CLSTN2: variants seen among roughly 807,000 people sequenced by gnomAD.
CLSTN2 encodes calsyntenin-2.
A neutral mutation model predicts 101.2 loss-of-function variants in CLSTN2; 48 were observed. That is an observed-to-expected ratio of 0.47 (90% CI 0.38 to 0.60). CLSTN2 has a LOEUF of 0.60. Ranked by LOEUF, CLSTN2 falls within the 20% of genes least tolerant of loss-of-function variation. CLSTN2 has a pLI of 0.00. For synonymous variants in CLSTN2, 481 were observed against 463.6 expected, an observed-to-expected ratio of 1.04 and a Z score of -0.48; for missense variants, 1,160 against 1,238.2, an observed-to-expected ratio of 0.94 and a Z score of 0.95.
At chr3:140,562,071 T>C (rs1935926310) in intron 12 of CLSTN2, 67 bp from the exon 13 acceptor site, 3 of 1,438,294 alleles carry the variant, frequency 2.1e-6, no homozygotes, top group African/African-American at 1.4e-5. Context: ...AGGAGGAAGG[T>C]GATTAGCAAG....
intron 1 of CLSTN2, among the ~76,000 whole-genome samples, chr3:140,056,620 T>C (rs1403185076): frequency 1.3e-5 from 2 of 151,804 alleles, no homozygotes; most frequent in Admixed American, 6.6e-5. Flanking sequence ...TGAGAAAGAG[T>C]AGAGAGGAAG....
At chr3:140,432,605 G>T (rs1576564632) in intron 5 of CLSTN2, among the ~76,000 whole-genome samples, 1 of 152,150 alleles carries the variant, frequency 6.6e-6, no homozygotes, top group African/African-American at 2.4e-5. Context: ...TGACATAGCT[G>T]ATCATTAAGG....
intron 1 of CLSTN2, among the ~76,000 whole-genome samples, chr3:140,063,384 A>G (rs72984107): frequency 0.13 from 19,970 of 152,094 alleles, 1,636 homozygotes; most frequent in African/African-American, 0.23. Flanking sequence ...GTAGGCTGCC[A>G]TCTCCCAGCT....
chr3:140,220,659 A>G (rs2086262281), intron 2 of CLSTN2, among the ~76,000 whole-genome samples: 1 of 152,238 alleles, frequency 6.6e-6, no homozygotes, highest in South Asian at 2.1e-4. Flanking sequence ...TCTAAAGATA[A>G]TGTGAGTGGA....
At chr3:140,322,625 A>G (rs982176173) in intron 2 of CLSTN2, among the ~76,000 whole-genome samples, 24 of 152,230 alleles carry the variant, frequency 1.6e-4, no homozygotes, top group African/African-American at 5.3e-4. Context: ...AAACACATTA[A>G]CAGAAAGATT....
At chr3:139,951,585 C>T (rs1467074722) in intron 1 of CLSTN2, among the ~76,000 whole-genome samples, 5 of 152,042 alleles carry the variant, frequency 3.3e-5, no homozygotes, top group East Asian at 1.9e-4. Flanking sequence ...AGGGGGTGTG[C>T]GGGGAGACCA....
intron 1 of CLSTN2, among the ~76,000 whole-genome samples, chr3:140,078,672 G>C (rs967437875): frequency 6.6e-6 from 1 of 152,074 alleles, no homozygotes; most frequent in Non-Finnish European, 1.5e-5. Flanking sequence ...CACTGCTAAT[G>C]GTTTATAAAA....
intron 5 of CLSTN2, among the ~76,000 whole-genome samples, chr3:140,447,128 A>G (rs546735113): frequency 7.2e-5 from 11 of 152,360 alleles, no homozygotes; most frequent in African/African-American, 2.2e-4. Flanking sequence ...GAGTCCCACA[A>G]TGCAGGACTT....
intron 5 of CLSTN2, among the ~76,000 whole-genome samples, chr3:140,429,386 C>T (rs1301699776): frequency 6.6e-6 from 1 of 152,046 alleles, no homozygotes; most frequent in Admixed American, 6.6e-5. Context: ...CAGGCAGGAG[C>T]CCCAGGGAGA....
chr3:140,396,384 T>C lies in CLSTN2; in HGVS notation c.233-7245T>C, dbSNP rs560064053. Among the ~76,000 whole-genome samples, 56 of 152,316 alleles carry C rather than the reference T, an allele frequency of 3.7e-4. 1 individual carries two copies. Among genetic ancestry groups the C allele is most frequent in the African/African-American group, 1.3e-3 (53 of 41,558 alleles). On this transcript the variant is annotated intron_variant, in intron 2 of 16. Transcript: ENST00000458420. ...ATTCAAAATATTTCTGATGTTGAAA[T>C]GATCTCTACCTTCAGCCTTTTCAGT...
At chr3:140,479,132 A>T (rs1934058174) in intron 8 of CLSTN2, among the ~76,000 whole-genome samples, 1 of 152,192 alleles carries the variant, frequency 6.6e-6, no homozygotes, top group Non-Finnish European at 1.5e-5. Context: ...AAATGAAAAG[A>T]TCTGAGCAGG....
intron 2 of CLSTN2, among the ~76,000 whole-genome samples, chr3:140,300,933 C>T (rs1175122687): frequency 6.6e-6 from 1 of 152,118 alleles, no homozygotes; most frequent in East Asian, 1.9e-4. Context: ...TAATTGTAAT[C>T]CAAGTCCAAA....
intron 5 of CLSTN2, among the ~76,000 whole-genome samples, chr3:140,428,272 T>C (rs2088593915): frequency 6.6e-6 from 1 of 152,212 alleles, no homozygotes; most frequent in Non-Finnish European, 1.5e-5. Context: ...TCTTTTTTTT[T>C]CTATGTTTCA....
At chr3:140,240,431 G>C (rs1395063062) in intron 2 of CLSTN2, among the ~76,000 whole-genome samples, 2 of 151,310 alleles carry the variant, frequency 1.3e-5, no homozygotes, top group African/African-American at 4.9e-5. Flanking sequence ...GGAAAGAGAA[G>C]ATTTGAGCCC....
At chr3:140,123,049 T>C (rs1306647992) in intron 1 of CLSTN2, among the ~76,000 whole-genome samples, 2 of 151,630 alleles carry the variant, frequency 1.3e-5, no homozygotes, top group Non-Finnish European at 2.9e-5. Flanking sequence ...TAGGAATTTA[T>C]TTCTCACAGT....
At chr3:140,433,579 G>C (rs1234632757) in intron 5 of CLSTN2, among the ~76,000 whole-genome samples, 1 of 152,176 alleles carries the variant, frequency 6.6e-6, no homozygotes, top group Non-Finnish European at 1.5e-5. Flanking sequence ...CAGAGTGCAG[G>C]CTCCGAAGCC....
At chr3:140,415,467 C>A in intron 4 of CLSTN2, among the ~76,000 whole-genome samples, 1 of 85,540 alleles carries the variant, frequency 1.2e-5, no homozygotes, top group Non-Finnish European at 2.3e-5. Context: ...ATATGAGGAA[C>A]TCATATAACA....
chr3:140,272,017 A>C (rs1161580423), intron 2 of CLSTN2, among the ~76,000 whole-genome samples: 1 of 152,228 alleles, frequency 6.6e-6, no homozygotes, highest in Non-Finnish European at 1.5e-5. Context: ...TGTTTAGAGC[A>C]GCTACCAGGG....
intron 1 of CLSTN2, among the ~76,000 whole-genome samples, chr3:139,976,524 G>T (rs1191718713): frequency 2.6e-5 from 4 of 152,192 alleles, no homozygotes; most frequent in Non-Finnish European, 5.9e-5. Flanking sequence ...CTTGCCCCAA[G>T]CCACTCAGCT....
Sources: allele counts gnomAD v4.1 joint callset (sites outside exome capture counted in the v4.1 genomes callset), GRCh38; gene constraint gnomAD v4.1.1; transcripts MANE v1.5; gene names NCBI Gene and HGNC (gene_info 2026-07-23, HGNC 2026-07-21).